The following ZNF229 variants were observed in gnomAD, a reference collection of about 807,000 sequenced individuals.
The protein encoded by ZNF229 is zinc finger protein 229.
A neutral mutation model predicts 11.8 loss-of-function variants in ZNF229; 10 were observed. The ratio of observed to expected loss-of-function variants is 0.85; its 90% CI spans 0.52 to 1.44. ZNF229 has a LOEUF of 1.44. Among genes scored for constraint, ZNF229 ranks in the 40% most tolerant of loss-of-function variants. The pLI is 0.00. For synonymous variants in ZNF229, 368 were observed against 374.8 expected, an observed-to-expected ratio of 0.98 and a Z score of 0.21; for missense variants, 1,045 against 1,015.1, an observed-to-expected ratio of 1.03 and a Z score of -0.40.
At chr19:44,447,143 T>C (rs911794765) in intron 2 of ZNF229, among the ~76,000 whole-genome samples, 5 of 152,218 alleles carry the variant, frequency 3.3e-5, no homozygotes, top group Admixed American at 6.5e-5. Flanking sequence ...TAGAAATACA[T>C]TCATTTATTC....
intron 4 of ZNF229, among the ~76,000 whole-genome samples, chr19:44,433,391 C>T (rs1406143597): frequency 6.6e-6 from 1 of 151,846 alleles, no homozygotes; most frequent in Non-Finnish European, 1.5e-5. Flanking sequence ...GGTATTTGTC[C>T]CTGACCAAAT....
chr19:44,442,798 C>CCCCCAAAAAA lies in ZNF229; in HGVS notation c.34+15_34+16insTTTTTTGGGG. The stretch of plus-strand genomic sequence containing the variant: ...TTTGGATTCTCCCCCCACCCACCCC[C>CCCCCAAAAAA]TCTATTAGCTGTCACCTCTTTTCTC... On this transcript the variant is annotated intron_variant, in intron 3 of 5. Coordinates refer to ENST00000614049, the MANE Select transcript of ZNF229 (RefSeq NM_014518.4). The CCCCCAAAAAA allele has an allele frequency of 6.3e-7, 1 of 1,587,038 alleles. No homozygotes were observed. Among genetic ancestry groups the CCCCCAAAAAA allele is most frequent in the Non-Finnish European group, 8.7e-7 (1 of 1,155,640 alleles).
rs750062758 is a variant in ZNF229 at position 44,429,117 on chromosome 19, C to T, written c.1664G>A (p.Arg555Gln). Reference protein sequence around the residue: ...YKCECGKSFGRSSDLHIHQRV... With the variant: ...YKCECGKSFGQSSDLHIHQRV... Reference sequence around the variant, plus strand: ...CTGATGGATGTGGAGGTCGGAGCTCCGGCCAAAGCTCTTCCCGCACTCGCA... The same window carrying T: ...CTGATGGATGTGGAGGTCGGAGCTCTGGCCAAAGCTCTTCCCGCACTCGCA... The change falls in exon 6 of 6, where the codon CGG becomes CAG. Residue 555 changes from arginine (R) to glutamine (Q), a missense_variant. By Grantham distance (43) the Arg-to-Gln change is conservative. Coordinates refer to ENST00000614049, the MANE Select transcript of ZNF229 (RefSeq NM_014518.4). 3.5e-5 allele frequency: 57 copies of T among 1,613,378 alleles called. No homozygotes were observed. In the Middle Eastern group the frequency reaches 5.0e-4, roughly 14 times the overall value.
In ZNF229 at chr19:44,443,394, C is replaced by A. The variant is rs569149100; in HGVS notation, c.-177-370G>T. Among the ~76,000 whole-genome samples, 8 of 152,264 alleles carry A rather than the reference C, an allele frequency of 5.3e-5. No individual in the cohort carries two copies. In the South Asian group the frequency reaches 1.7e-3, roughly 32 times the overall value. On this transcript the variant is annotated intron_variant, in intron 2 of 5. Coordinates refer to ENST00000614049, the MANE Select transcript of ZNF229 (RefSeq NM_014518.4). ...TTGCAAAAAATAAAATACAATAAAT[C>A]CCCATACTTAGGGATTATAGAAATC...
Position 44,442,900 on chromosome 19 carries a change from G to A in ZNF229, c.-53C>T. 2 of 1,605,100 alleles carry A rather than the reference G, an allele frequency of 1.2e-6. No individual in the cohort carries two copies. Among genetic ancestry groups the A allele is most frequent in the Non-Finnish European group, 1.7e-6 (2 of 1,172,530 alleles). On this transcript the variant is annotated 5_prime_UTR_variant, in exon 3 of 6. Coordinates refer to ENST00000614049, the MANE Select transcript of ZNF229 (RefSeq NM_014518.4). ...CAGCAGCAACTGTATTTATTCTCTGGTTTTCCTAAGCTGGAGACGCAGAAG... is the reference window on the plus strand; with the variant it reads ...CAGCAGCAACTGTATTTATTCTCTGATTTTCCTAAGCTGGAGACGCAGAAG...
chr19:44,447,804 A>C (rs936986622), intron 1 of ZNF229, among the ~76,000 whole-genome samples: 8 of 152,166 alleles, frequency 5.3e-5, no homozygotes, highest in Non-Finnish European at 1.2e-4. Context: ...TGATGCCCAA[A>C]GAAACCGTCT....
rs1600024431 is a variant in ZNF229, at chr19:44,437,941, G to A, written c.93+4622C>T. Among the ~76,000 whole-genome samples, 4 of 152,128 alleles carry A rather than the reference G, an allele frequency of 2.6e-5. No individual in the cohort carries two copies. In the South Asian group the frequency reaches 8.3e-4, roughly 32 times the overall value. Reference sequence around the variant, plus strand: ...ATGAGAACGCTTAGACACACAGAGGGAACAACAGACACAGAGGCCTACTTG... The same window carrying A: ...ATGAGAACGCTTAGACACACAGAGGAAACAACAGACACAGAGGCCTACTTG... On this transcript the variant is annotated intron_variant, in intron 4 of 5. Transcript: ENST00000614049.
chr19:44,428,959 C>G lies in ZNF229; in HGVS notation c.1822G>C (p.Gly608Arg). The change falls in exon 6 of 6, where the codon GGT becomes CGT. Residue 608 changes from glycine (G) to arginine (R), a missense_variant. Physicochemically the swap from Gly to Arg is moderately radical, Grantham distance 125. Coordinates refer to ENST00000614049, the MANE Select transcript of ZNF229 (RefSeq NM_014518.4). ...RPYVCDVCGK[G>R]FIYSSDLLIH... is the part of the protein sequence containing the mutation. Reference sequence around the variant, plus strand: ...AGGAGGTCGGAGCTGTAGATGAAACCCTTCCCACACACGTCACACACGTAG... The same window carrying G: ...AGGAGGTCGGAGCTGTAGATGAAACGCTTCCCACACACGTCACACACGTAG... 1 of 1,612,794 alleles carries G rather than the reference C, an allele frequency of 6.2e-7. No homozygotes were observed. The highest frequency in any genetic ancestry group is 1.1e-5 in the South Asian group (1 of 91,008).
intron 4 of ZNF229, among the ~76,000 whole-genome samples, chr19:44,440,206 AAAC>A (rs1971884120): frequency 6.6e-6 from 1 of 152,166 alleles, no homozygotes; most frequent in South Asian, 2.1e-4. Context: ...AGCTTAGCCT[AAAC>A]AGATGAATGA....
rs1244712039 is a variant in ZNF229 at position 44,428,440 on chromosome 19, A to G, written c.2341T>C (p.Ser781Pro). 2 of 1,614,008 alleles carry G rather than the reference A, an allele frequency of 1.2e-6. No individual in the cohort carries two copies. The highest frequency in any genetic ancestry group is 4.5e-5 in the East Asian group (2 of 44,856). ...EECGKGFGRN[S>P]CLHVHQRVHT... The stretch of plus-strand genomic sequence containing the variant: ...ACTCTCTGATGAACATGAAGACAGG[A>G]GTTGCGGCCAAAGCCCTTCCCACAC... Residue 781 changes from serine to proline, a missense_variant, in exon 6 of 6, where the codon TCC becomes CCC. Ser to Pro is a moderately conservative substitution (Grantham distance 74). Transcript: ENST00000614049.
intron 2 of ZNF229, among the ~76,000 whole-genome samples, chr19:44,446,384 G>A (rs1345257124): frequency 3.3e-5 from 5 of 152,168 alleles, no homozygotes; most frequent in Non-Finnish European, 5.9e-5. Flanking sequence ...GTTTAGGTTC[G>A]AATTCTGGTT....
chr19:44,428,772 C>T lies in ZNF229; in HGVS notation c.2009G>A (p.Ser670Asn), dbSNP rs778013216. 9 of 1,612,942 alleles carry T rather than the reference C, an allele frequency of 5.6e-6. No homozygotes were observed. Among genetic ancestry groups the T allele is most frequent in the Admixed American group, 5.0e-5 (3 of 59,948 alleles). ...ECGKGFRCTSSLHKHQRVHTG... is the reference protein window; with the variant it reads ...ECGKGFRCTSNLHKHQRVHTG... ...GTGGACTCGCTGATGTTTGTGAAGGCTTGATGTGCACCTAAAGCCCTTTCC... is the reference window on the plus strand; with the variant it reads ...GTGGACTCGCTGATGTTTGTGAAGGTTTGATGTGCACCTAAAGCCCTTTCC... Residue 670 changes from serine (S) to asparagine (N), a missense_variant, in exon 6 of 6, where the codon AGC (serine) becomes AAC (asparagine). Coordinates refer to ENST00000614049, the MANE Select transcript of ZNF229 (RefSeq NM_014518.4).
At position 44,430,422 on chromosome 19, in the gene ZNF229, T is replaced by C. The variant is rs778525541; in HGVS notation, c.359A>G (p.Gln120Arg). The C allele has an allele frequency of 1.2e-6, 2 of 1,614,188 alleles. No individual in the cohort carries two copies. The highest frequency in any genetic ancestry group is 1.7e-6 in the Non-Finnish European group (2 of 1,180,044). The change falls in exon 6 of 6, where the codon CAA becomes CGA. Residue 120 changes from glutamine (Q) to arginine (R), a missense_variant. Coordinates refer to ENST00000614049, the MANE Select transcript of ZNF229 (RefSeq NM_014518.4). ...EEVAGELPGS[Q>R]DCRVNLQGKD... ...TCCTTGCAGATTTACTCTACAGTCTTGGCTCCCAGGTAATTCACCTGCCAC... is the reference window on the plus strand; with the variant it reads ...TCCTTGCAGATTTACTCTACAGTCTCGGCTCCCAGGTAATTCACCTGCCAC...
At position 44,442,862 on chromosome 19, in the gene ZNF229, G is replaced by C; in HGVS notation, c.-15C>G. On this transcript the variant is annotated 5_prime_UTR_variant, in exon 3 of 6. Coordinates refer to ENST00000614049, the MANE Select transcript of ZNF229 (RefSeq NM_014518.4). ...AAAGTCTCCATGGTCTCTTCTGCTA[G>C]GTTCTCTGCGAGCAGCAGCAACTGT... The C allele has an allele frequency of 1.9e-6, 3 of 1,605,214 alleles. No homozygotes were observed. In the South Asian group the frequency reaches 3.3e-5, roughly 18 times the overall value.
At chr19:44,435,060 C>T (rs1413395522) in intron 4 of ZNF229, among the ~76,000 whole-genome samples, 1 of 152,170 alleles carries the variant, frequency 6.6e-6, no homozygotes, top group Non-Finnish European at 1.5e-5. Context: ...GAGTGTGAGG[C>T]CTCCCCAACC....
intron 4 of ZNF229, among the ~76,000 whole-genome samples, chr19:44,437,731 CA>C (rs1185056102): frequency 4.6e-5 from 7 of 152,104 alleles, no homozygotes; most frequent in Non-Finnish European, 7.4e-5. Flanking sequence ...TGCCCATCAA[CA>C]GTAGACTAGA....
At chr19:44,432,158 A>G in intron 5 of ZNF229, 64 bp downstream of exon 5, 1 of 1,545,612 alleles carries the variant, frequency 6.5e-7, no homozygotes. Flanking sequence ...TAACCTGTGT[A>G]AAAAAGCCAA....
Position 44,442,944 on chromosome 19 carries a change from C to A in ZNF229, c.-97G>T. On this transcript the variant is annotated 5_prime_UTR_variant, in exon 3 of 6. An upstream open reading frame in the 5' UTR gains an earlier in-frame stop. Transcript: ENST00000614049. ...GCAGAAGATCCAGGCCTTTTTCATT[C>A]CGGAAACTCTCCAAGCTCTGACAAG... 7.0e-7 allele frequency: 1 copy of A among 1,429,268 alleles called. No individual in the cohort carries two copies. Among genetic ancestry groups the A allele is most frequent in the Non-Finnish European group, 9.8e-7 (1 of 1,015,646 alleles). 88.5% of individuals were successfully genotyped at this position (1,429,268 alleles called of 1,614,324 possible). A position where few individuals can be genotyped will look rare whatever the true frequency, so the allele number is the denominator to read the frequency against.
At chr19:44,441,506 A>T (rs1600029488) in intron 4 of ZNF229, among the ~76,000 whole-genome samples, 2 of 152,332 alleles carry the variant, frequency 1.3e-5, no homozygotes, top group East Asian at 1.9e-4. Context: ...GAAAATTAAG[A>T]AATATGTATA....
Sources: gnomAD v4.1 joint callset for allele counts (sites outside exome capture counted in the v4.1 genomes callset) on GRCh38, gnomAD v4.1.1 for gene constraint, MANE v1.5 for transcripts, NCBI Gene and HGNC (gene_info 2026-07-23, HGNC 2026-07-21) for gene names.